The following ARHGAP28 variants were observed in gnomAD, a reference collection of about 807,000 sequenced individuals.
ARHGAP28 encodes Rho GTPase activating protein 28.
A neutral mutation model predicts 90.7 loss-of-function variants in ARHGAP28; 56 were observed. The observed-to-expected ratio is 0.62, with a 90% CI of 0.50 to 0.77. The LOEUF (loss-of-function observed/expected upper bound fraction) is 0.77, where lower values mean the gene tolerates loss of function less well. Ranked by LOEUF, ARHGAP28 falls within the 30% of genes least tolerant of loss-of-function variation. The pLI, the probability that ARHGAP28 is intolerant of heterozygous loss-of-function variation, is 0.00. For missense variants in ARHGAP28, 869 were observed against 900.9 expected (o/e 0.96, Z 0.45); for synonymous variants, 308 against 323.3 (o/e 0.95, Z 0.51).
At chr18:6,827,553 A>T (rs1445950011) in intron 2 of ARHGAP28, among the ~76,000 whole-genome samples, 1 of 107,648 alleles carries the variant, frequency 9.3e-6, no homozygotes, top group Non-Finnish European at 1.9e-5. Context: ...TGACCCCCCC[A>T]CCTCCCTCCC....
At position 6,913,256 on chromosome 18, in the gene ARHGAP28, T is replaced by C. The variant is rs1022582758; in HGVS notation, c.*1102T>C. 1 of 152,148 alleles carries C rather than the reference T, an allele frequency of 6.6e-6. No homozygotes were observed. The highest frequency in any genetic ancestry group is 1.5e-5 in the Non-Finnish European group (1 of 68,036). The allele number at this position is 152,148 out of a possible 1,614,324, so 9.4% of individuals were successfully genotyped here. The stretch of plus-strand genomic sequence containing the variant: ...CACTATCAAGAGCCTGCAGAGCCAT[T>C]TTCCAGACCTGTGATTGCCCAGAAC... On this transcript the variant is annotated 3_prime_UTR_variant, in exon 18 of 18. Coordinates refer to ENST00000383472, the MANE Select transcript of ARHGAP28 (RefSeq NM_001366230.1).
At chr18:6,846,659 C>A (rs2056868240) in intron 3 of ARHGAP28, among the ~76,000 whole-genome samples, 1 of 152,196 alleles carries the variant, frequency 6.6e-6, no homozygotes, top group African/African-American at 2.4e-5. Flanking sequence ...TCTCTGCTGT[C>A]CCCATTCCCC....
intron 3 of ARHGAP28, among the ~76,000 whole-genome samples, chr18:6,837,664 C>T (rs1229330844): frequency 1.3e-5 from 2 of 152,090 alleles, no homozygotes; most frequent in Non-Finnish European, 1.5e-5. Flanking sequence ...CAGAGAGTGA[C>T]TTCTTTGGCA....
chr18:6,740,322 T>A (rs2055965619), intron 1 of ARHGAP28, among the ~76,000 whole-genome samples: 1 of 152,210 alleles, frequency 6.6e-6, no homozygotes, highest in South Asian at 2.1e-4. Flanking sequence ...AGATCAGTTC[T>A]GTTCTAAATC....
chr18:6,848,020 A>G (rs1180659396), intron 3 of ARHGAP28, among the ~76,000 whole-genome samples: 1 of 152,134 alleles, frequency 6.6e-6, no homozygotes, highest in Non-Finnish European at 1.5e-5. Context: ...CCAGGTTTTT[A>G]TTGGGGGTTG....
chr18:6,841,799 TA>T (rs1351280772), intron 3 of ARHGAP28, among the ~76,000 whole-genome samples: 1 of 152,214 alleles, frequency 6.6e-6, no homozygotes, highest in Non-Finnish European at 1.5e-5. Context: ...TTTATCTTTT[TA>T]AAAAATTCAT....
intron 3 of ARHGAP28, among the ~76,000 whole-genome samples, chr18:6,847,773 A>T (rs1205980736): frequency 6.6e-6 from 1 of 152,130 alleles, no homozygotes. Flanking sequence ...GACCATGCCC[A>T]GGTTCAGTGG....
intron 16 of ARHGAP28, among the ~76,000 whole-genome samples, chr18:6,905,322 C>T (rs990806858): frequency 6.6e-6 from 1 of 151,768 alleles, no homozygotes; most frequent in African/African-American, 2.4e-5. Context: ...AGAGTCATTT[C>T]AATTGATACA....
At chr18:6,872,580 AC>A (rs2057098675) in intron 7 of ARHGAP28, among the ~76,000 whole-genome samples, 1 of 151,920 alleles carries the variant, frequency 6.6e-6, no homozygotes, top group African/African-American at 2.4e-5. Context: ...TTTTTGTTTT[AC>A]TTCAGCATTT....
chr18:6,894,837 T>C lies in ARHGAP28; in HGVS notation c.1851T>C (p.Thr617=), dbSNP rs1208366805. Residue 617 remains threonine (T), a splice_region_variant and synonymous_variant, in exon 15 of 18, where the codon ACT becomes ACC. Transcript: ENST00000383472. ...CCTAAAGACTGTGTTTCTTTTAGAC[T>C]GCAAGCCCCAAGACTTCAAAGGTAC... is the stretch of plus-strand genomic sequence containing the variant. ...LLRRKTLERE[T]ASPKTSKVLQ... is the part of the protein sequence containing the mutation. 3 of 1,614,062 alleles carry C rather than the reference T, an allele frequency of 1.9e-6. No homozygotes were observed. Among genetic ancestry groups the C allele is most frequent in the South Asian group, 1.1e-5 (1 of 91,080 alleles).
intron 12 of ARHGAP28, 152 bp from the exon 13 acceptor site, chr18:6,889,736 T>C (rs893197734): frequency 5.9e-6 from 4 of 683,206 alleles, no homozygotes; most frequent in African/African-American, 3.6e-5. Flanking sequence ...TCAGTACTTT[T>C]AACCAGTTAG....
At chr18:6,878,685 A>G (rs1443419618) in intron 10 of ARHGAP28, among the ~76,000 whole-genome samples, 1 of 152,162 alleles carries the variant, frequency 6.6e-6, no homozygotes, top group African/African-American at 2.4e-5. Flanking sequence ...ACCCAGTTTT[A>G]TGTAGTTTCA....
At chr18:6,837,531 T>A in intron 3 of ARHGAP28, 117 bp downstream of exon 3, 1 of 785,370 alleles carries the variant, frequency 1.3e-6, no homozygotes, top group Non-Finnish European at 2.0e-6. Flanking sequence ...CCATTCTAAC[T>A]TTTTGAGAAA....
chr18:6,730,955 C>T (rs541266456), intron 1 of ARHGAP28, among the ~76,000 whole-genome samples: 30 of 152,120 alleles, frequency 2.0e-4, no homozygotes, highest in African/African-American at 6.7e-4. Flanking sequence ...AATTGATTTC[C>T]TAATTAACAG....
intron 1 of ARHGAP28, among the ~76,000 whole-genome samples, chr18:6,808,797 T>G (rs909850734): frequency 2.6e-5 from 4 of 152,228 alleles, no homozygotes; most frequent in African/African-American, 9.6e-5. Context: ...TACATACATT[T>G]TCCTAGCTCT....
intron 1 of ARHGAP28, among the ~76,000 whole-genome samples, chr18:6,756,612 A>T (rs1439882180): frequency 6.6e-6 from 1 of 152,222 alleles, no homozygotes; most frequent in African/African-American, 2.4e-5. Context: ...ATATGTATAT[A>T]TGAAAGGGAG....
intron 10 of ARHGAP28, among the ~76,000 whole-genome samples, chr18:6,878,135 C>T (rs1467098378): frequency 1.3e-5 from 2 of 151,886 alleles, no homozygotes; most frequent in African/African-American, 4.8e-5. Context: ...GAAAATGTGG[C>T]ACATATACAC....
intron 5 of ARHGAP28, among the ~76,000 whole-genome samples, chr18:6,860,111 C>A (rs2143388717): frequency 6.6e-6 from 1 of 152,340 alleles, no homozygotes; most frequent in Admixed American, 6.5e-5. Flanking sequence ...GGATTCATGT[C>A]ACTGCAGCCA....
intron 16 of ARHGAP28, among the ~76,000 whole-genome samples, chr18:6,902,521 T>C (rs1164133955): frequency 6.6e-6 from 1 of 152,240 alleles, no homozygotes; most frequent in Non-Finnish European, 1.5e-5. Flanking sequence ...ATATCAGGAT[T>C]ATCTTTCTAT....
Sources: allele counts gnomAD v4.1 joint callset (sites outside exome capture counted in the v4.1 genomes callset), GRCh38; gene constraint gnomAD v4.1.1; transcripts MANE v1.5; gene names NCBI Gene and HGNC (gene_info 2026-07-23, HGNC 2026-07-21).